Variants in NPIPB8 observed in about 807,000 individuals in gnomAD.
NPIPB8 encodes nuclear pore complex-interacting protein family member B8.
A neutral mutation model predicts 5.3 loss-of-function variants in NPIPB8; 3 were observed. The observed-to-expected ratio is 0.57, with a 90% confidence interval of 0.26 to 1.47. The LOEUF is 1.47. NPIPB8 is among the 40% of genes most tolerant of loss of function. NPIPB8 has a pLI of 0.13. For missense variants in NPIPB8, 50 were observed against 50.2 expected (o/e 1.00, Z 0.01); for synonymous variants, 18 against 23.0 (o/e 0.78, Z 0.62).
chr16:28,644,599 C>T (rs574153914), intron 2 of NPIPB8: 33 of 1,528,084 alleles, frequency 2.2e-5, no homozygotes, highest in East Asian at 1.5e-4. Context: ...CATGCGGCTG[C>T]GCTTTTGGCT....
At chr16:28,642,239 G>C (rs1242822662) in intron 2 of NPIPB8, among the ~76,000 whole-genome samples, 1 of 151,550 alleles carries the variant, frequency 6.6e-6, no homozygotes, top group East Asian at 2.0e-4. Context: ...CTGAGTAGCT[G>C]GGATTACAGG....
intron 2 of NPIPB8, among the ~76,000 whole-genome samples, chr16:28,640,515 T>A (rs1197539140): frequency 1.3e-5 from 2 of 151,960 alleles, no homozygotes; most frequent in East Asian, 3.9e-4. Flanking sequence ...TCAAAGCAAA[T>A]CCCATGGGTA....
intron 2 of NPIPB8, among the ~76,000 whole-genome samples, chr16:28,643,032 A>G (rs146510767): frequency 0.26 from 39,320 of 151,452 alleles, 5,428 homozygotes; most frequent in Non-Finnish European, 0.29. Context: ...GAAAGGTGAT[A>G]GACAGTGGGG....
rs2047826833 is a variant in NPIPB8 at position 28,638,282 on chromosome 16, T to C, written c.-38-41T>C. The C allele has an allele frequency of 2.6e-6, 4 of 1,536,784 alleles. No individual in the cohort carries two copies. In the East Asian group the frequency reaches 9.7e-5, roughly 37 times the overall value. ...ATAGACTCAAACATCACCTTGTTTT[T>C]CCACTCATTCAACAAACTTTTTTTC... On this transcript the variant is annotated intron_variant, in intron 1 of 7. Coordinates refer to ENST00000683297, the MANE Select transcript of NPIPB8 (RefSeq NM_001310136.2).
At chr16:28,645,145 G>A (rs78343384) in intron 2 of NPIPB8, among the ~76,000 whole-genome samples, 14,229 of 130,768 alleles carry the variant, frequency 0.11, 1,678 homozygotes, top group Admixed American at 0.2. Flanking sequence ...CGGGGTTCAA[G>A]CAATTGTCCT....
intron 5 of NPIPB8, among the ~76,000 whole-genome samples, chr16:28,652,648 T>C (rs975482545): frequency 8.0e-6 from 1 of 124,266 alleles, no homozygotes; most frequent in Non-Finnish European, 1.7e-5. Context: ...TTTGCTGTTG[T>C]TGCCCAGGCT....
chr16:28,647,765 C>CA (rs1452873278), intron 2 of NPIPB8, among the ~76,000 whole-genome samples: 214 of 17,398 alleles, frequency 0.012, 3 homozygotes, highest in South Asian at 0.02. Context: ...ACTCTGTCTC[C>CA]AAAAAAAAAA....
intron 2 of NPIPB8, among the ~76,000 whole-genome samples, chr16:28,642,203 C>A: frequency 6.6e-6 from 1 of 150,462 alleles, no homozygotes; most frequent in Non-Finnish European, 1.5e-5. Context: ...CCTCCCGGGC[C>A]CAAGGGATTG....
At chr16:28,640,897 T>C (rs1038306077) in intron 2 of NPIPB8, among the ~76,000 whole-genome samples, 2 of 152,076 alleles carry the variant, frequency 1.3e-5, no homozygotes, top group African/African-American at 2.4e-5. Flanking sequence ...GAGAGTTGAT[T>C]TGGAAGGATA....
chr16:28,639,980 G>C (rs541776048), intron 2 of NPIPB8, among the ~76,000 whole-genome samples: 1 of 151,232 alleles, frequency 6.6e-6, no homozygotes, highest in Admixed American at 6.6e-5. Flanking sequence ...GCCAGGCCCT[G>C]GGTTCAATGC....
At position 28,638,314 on chromosome 16, in the gene NPIPB8, G is replaced by C. The variant is rs202029198; in HGVS notation, c.-38-9G>C. 3 of 1,557,494 alleles carry C rather than the reference G, an allele frequency of 1.9e-6. No homozygotes were observed. The East Asian group carries it at 6.9e-5, about 36-fold the overall frequency. On this transcript the variant is annotated splice_polypyrimidine_tract_variant and intron_variant, in intron 1 of 7. Coordinates refer to ENST00000683297, the MANE Select transcript of NPIPB8 (RefSeq NM_001310136.2). Reference sequence around the variant, plus strand: ...ATTCAACAAACTTTTTTTCTTAATTGTCTAATAGGTTGGCACTCATCATGA... The same window carrying C: ...ATTCAACAAACTTTTTTTCTTAATTCTCTAATAGGTTGGCACTCATCATGA...
Position 28,638,087 on chromosome 16 carries a change from A to T in NPIPB8, c.-102A>T. The stretch of plus-strand genomic sequence containing the variant: ...TGTTTTATAGGTATGATCTCATGAA[A>T]CCTTGAGAGAAACTGAATGACGAAT... On this transcript the variant is annotated 5_prime_UTR_variant, in exon 1 of 8. Transcript: ENST00000683297. 2.9e-6 allele frequency: 2 copies of T among 690,402 alleles called. No homozygotes were observed. Among genetic ancestry groups the T allele is most frequent in the Non-Finnish European group, 4.4e-6 (2 of 451,646 alleles). The allele number at this position is 690,402 out of a possible 1,614,324, so 42.8% of individuals were successfully genotyped here. A position where few individuals can be genotyped will look rare whatever the true frequency, so the allele number is the denominator to read the frequency against.
At chr16:28,639,305 G>A (rs928420123) in intron 2 of NPIPB8, among the ~76,000 whole-genome samples, 6 of 148,710 alleles carry the variant, frequency 4.0e-5, no homozygotes, top group African/African-American at 1.5e-4. Flanking sequence ...AAGTCCAATA[G>A]TAATAATTAA....
At chr16:28,640,371 G>A (rs536940973) in intron 2 of NPIPB8, among the ~76,000 whole-genome samples, 45 of 152,246 alleles carry the variant, frequency 3.0e-4, no homozygotes, top group African/African-American at 1.0e-3. Flanking sequence ...ATCCTGCCAC[G>A]AGAATAAAGG....
At chr16:28,643,128 G>T (rs1035610804) in intron 2 of NPIPB8, among the ~76,000 whole-genome samples, 178 of 150,636 alleles carry the variant, frequency 1.2e-3, no homozygotes, top group Non-Finnish European at 1.9e-3. Flanking sequence ...AAGCCCTCTG[G>T]GTATTGTGGG....
chr16:28,645,068 G>C (rs1438766805), intron 2 of NPIPB8, among the ~76,000 whole-genome samples: 1 of 116,158 alleles, frequency 8.6e-6, no homozygotes, highest in Non-Finnish European at 1.9e-5. Flanking sequence ...TTTTTAGACA[G>C]AGTCTCATTC....
chr16:28,642,569 C>G (rs1313087071), intron 2 of NPIPB8, among the ~76,000 whole-genome samples: 1 of 151,370 alleles, frequency 6.6e-6, no homozygotes, highest in Non-Finnish European at 1.5e-5. Flanking sequence ...ACTGCAGACT[C>G]TGCCTCCCGG....
chr16:28,642,684 A>G (rs1165676274), intron 2 of NPIPB8, among the ~76,000 whole-genome samples: 1 of 149,988 alleles, frequency 6.7e-6, no homozygotes, highest in African/African-American at 2.5e-5. Context: ...GGGTTTCACC[A>G]TATTGGCCAG....
chr16:28,638,240 C>T (rs1393535148), intron 1 of NPIPB8, 83 bp from the exon 2 acceptor site: 4 of 1,501,556 alleles, frequency 2.7e-6, no homozygotes, highest in Non-Finnish European at 3.5e-6. Flanking sequence ...TCTGAAGCCC[C>T]TATGCTCTTG....
Sources: gnomAD v4.1 joint callset for allele counts (sites outside exome capture counted in the v4.1 genomes callset) on GRCh38, gnomAD v4.1.1 for gene constraint, MANE v1.5 for transcripts, NCBI Gene and HGNC (gene_info 2026-07-23, HGNC 2026-07-21) for gene names.